PCDHA3: variants seen among roughly 807,000 people sequenced by gnomAD.
The protein encoded by PCDHA3 is protocadherin alpha 3.
Under a neutral mutation model 62.2 loss-of-function variants are expected in PCDHA3, and 41 were observed. The observed-to-expected ratio is 0.66, with a 90% CI of 0.51 to 0.86. PCDHA3 has a LOEUF of 0.86. PCDHA3 is among the 40% of genes least tolerant of loss of function. The pLI is 0.00. For missense variants in PCDHA3, 1,304 were observed against 1,241.2 expected (o/e 1.05, Z -0.76); for synonymous variants, 640 against 555.4 (o/e 1.15, Z -2.14).
intron 1 of PCDHA3, among the ~76,000 whole-genome samples, chr5:140,838,153 G>A (rs2150285429): frequency 3.7e-5 from 5 of 135,362 alleles, no homozygotes; most frequent in Admixed American, 1.5e-4. Flanking sequence ...TTACTCTGTC[G>A]CCCTCTCTGG....
chr5:140,959,370 T>C (rs1212787453), intron 1 of PCDHA3, among the ~76,000 whole-genome samples: 1 of 151,796 alleles, frequency 6.6e-6, no homozygotes, highest in African/African-American at 2.4e-5. Flanking sequence ...TGAGACCCTG[T>C]CTCAAAAAAA....
At chr5:140,879,813 T>C in intron 1 of PCDHA3, among the ~76,000 whole-genome samples, 1 of 152,346 alleles carries the variant, frequency 6.6e-6, no homozygotes, top group African/African-American at 2.4e-5. Flanking sequence ...CTATTGGCTG[T>C]TGGTGTTCCC....
At chr5:140,993,345 C>T (rs557836440) in intron 3 of PCDHA3, among the ~76,000 whole-genome samples, 25 of 152,064 alleles carry the variant, frequency 1.6e-4, no homozygotes, top group African/African-American at 4.3e-4. Context: ...AAGGGCACTA[C>T]GAAGATCCTC....
intron 1 of PCDHA3, chr5:140,816,735 T>G (rs1765977458): frequency 6.6e-6 from 1 of 152,192 alleles, no homozygotes; most frequent in Admixed American, 6.5e-5. Flanking sequence ...AAACCTTTTC[T>G]GTGGATGCAT....
At chr5:140,868,963 A>G in intron 1 of PCDHA3, 2 of 1,423,054 alleles carry the variant, frequency 1.4e-6, no homozygotes, top group Non-Finnish European at 1.9e-6. Context: ...TCCCATACAA[A>G]GGAACTCCAT....
At chr5:140,812,747 C>G (rs2126641508) in intron 1 of PCDHA3, 1 of 152,250 alleles carries the variant, frequency 6.6e-6, no homozygotes, top group African/African-American at 2.4e-5. Context: ...GCGTGAGCCA[C>G]TGAGCTTGCC....
At chr5:140,876,480 C>T (rs368324550) in intron 1 of PCDHA3, 10 of 1,613,874 alleles carry the variant, frequency 6.2e-6, no homozygotes, top group Non-Finnish European at 8.5e-6. Context: ...ACAGCATGGT[C>T]CTGGTGGAAG....
intron 2 of PCDHA3, 26 bp downstream of exon 2, chr5:140,979,033 C>G: frequency 6.2e-7 from 1 of 1,613,044 alleles, no homozygotes; most frequent in Admixed American, 1.7e-5. Flanking sequence ...CTCATTCACT[C>G]AGAAGTAACC....
intron 1 of PCDHA3, among the ~76,000 whole-genome samples, chr5:140,925,394 C>T (rs782536310): frequency 1.3e-5 from 2 of 151,950 alleles, no homozygotes; most frequent in East Asian, 1.9e-4. Context: ...CCTTTTGGCT[C>T]GCCTCCTTCT....
At chr5:140,889,949 A>G (rs1444545834) in intron 1 of PCDHA3, among the ~76,000 whole-genome samples, 1 of 152,202 alleles carries the variant, frequency 6.6e-6, no homozygotes, top group South Asian at 2.1e-4. Flanking sequence ...GAGAAGCCAA[A>G]TGGATAGAAA....
In PCDHA3 at chr5:140,858,082, G is replaced by C; in HGVS notation, c.2394+54491G>C. 4 of 1,597,832 alleles carry C rather than the reference G, an allele frequency of 2.5e-6. 1 individual carries two copies. Among genetic ancestry groups the C allele is most frequent in the Non-Finnish European group, 3.4e-6 (4 of 1,167,698 alleles). ...AGGGCAGCCAGGCACCCAAGGCCTC[G>C]TCGCGGGCTTCAGTGGGCGTGGCGC... On this transcript the variant is annotated intron_variant, in intron 1 of 3. Transcript: ENST00000522353.
chr5:140,857,567 G>T (rs139473255), intron 1 of PCDHA3: 8 of 1,596,870 alleles, frequency 5.0e-6, no homozygotes, highest in African/African-American at 2.7e-5. Flanking sequence ...GTCGAGCTAC[G>T]TGTCGGTGCA....
chr5:140,836,448 C>T, intron 1 of PCDHA3: 1 of 1,613,824 alleles, frequency 6.2e-7, no homozygotes, highest in Non-Finnish European at 8.5e-7. Context: ...CATTGCAGGC[C>T]CAGAGACCGA....
chr5:140,883,954 T>A (rs2059908896), intron 1 of PCDHA3: 1 of 1,612,680 alleles, frequency 6.2e-7, no homozygotes, highest in Non-Finnish European at 8.5e-7. Flanking sequence ...ACGACAACGC[T>A]CCGGCGCTGC....
At chr5:140,916,508 T>G (rs2077594251) in intron 1 of PCDHA3, among the ~76,000 whole-genome samples, 1 of 152,200 alleles carries the variant, frequency 6.6e-6, no homozygotes, top group Non-Finnish European at 1.5e-5. Context: ...GTGATTAATC[T>G]TGCCAAGACT....
chr5:140,842,590 G>T (rs2150340027), intron 1 of PCDHA3: 1 of 1,530,304 alleles, frequency 6.5e-7, no homozygotes, highest in Admixed American at 1.8e-5. Context: ...CCTATGAGTT[G>T]GTGGTAACCG....
At chr5:140,876,443 A>C in intron 1 of PCDHA3, 1 of 1,614,012 alleles carries the variant, frequency 6.2e-7, no homozygotes, top group Non-Finnish European at 8.5e-7. Context: ...AACGCCATTG[A>C]TAAAGGGATT....
chr5:140,991,310 C>T (rs1450251256), intron 3 of PCDHA3, among the ~76,000 whole-genome samples: 2 of 152,140 alleles, frequency 1.3e-5, no homozygotes, highest in Admixed American at 6.5e-5. Flanking sequence ...TATCTTGTCC[C>T]GCATGATACA....
At chr5:140,927,200 AC>A in intron 1 of PCDHA3, 1 of 1,614,014 alleles carries the variant, frequency 6.2e-7, no homozygotes, top group Non-Finnish European at 8.5e-7. Context: ...GTGCTCGAGG[AC>A]CCGCTGGAGC....
Sources: gnomAD v4.1 joint callset for allele counts (sites outside exome capture counted in the v4.1 genomes callset) on GRCh38, gnomAD v4.1.1 for gene constraint, MANE v1.5 for transcripts, NCBI Gene and HGNC (gene_info 2026-07-23, HGNC 2026-07-21) for gene names.